The following CRY2 variants were observed in gnomAD, a reference collection of about 807,000 sequenced individuals.
The protein encoded by CRY2 is cryptochrome-2.
A neutral mutation model predicts 69.5 loss-of-function variants in CRY2; 31 were observed. The ratio of observed to expected loss-of-function variants is 0.45; its 90% CI spans 0.34 to 0.60. CRY2 has a LOEUF of 0.60. CRY2 is among the 20% of genes least tolerant of loss of function. The probability of loss-of-function intolerance (pLI) is 0.02; values close to 1 mark genes in which losing one functional copy is unlikely to be tolerated. For missense variants in CRY2, 606 were observed against 797.8 expected (o/e 0.76, Z 2.90); for synonymous variants, 303 against 312.2 (o/e 0.97, Z 0.31).
chr11:45,862,396 CT>C (rs2086295012), intron 5 of CRY2, among the ~76,000 whole-genome samples: 1 of 145,524 alleles, frequency 6.9e-6, no homozygotes, highest in Non-Finnish European at 1.6e-5. Context: ...TTCTTTTAAT[CT>C]TTCCAATAGC....
At chr11:45,867,776 A>G (rs757361700) in intron 6 of CRY2, 24 bp downstream of exon 6, 12 of 1,613,850 alleles carry the variant, frequency 7.4e-6, no homozygotes, top group Non-Finnish European at 1.0e-5. Context: ...ACCTGCCCAC[A>G]TTGCACCTAA....
chr11:45,882,370 G>GCCTC lies in CRY2; in HGVS notation c.*1462_*1463insCCCT, dbSNP rs201996790. 2,721 of 364,444 alleles carry GCCTC rather than the reference G, an allele frequency of 7.5e-3. 95 individuals carry two copies. In the Admixed American group the frequency reaches 0.082, roughly 11 times the overall value. 22.6% of individuals were successfully genotyped at this position (364,444 alleles called of 1,614,324 possible). On this transcript the variant is annotated 3_prime_UTR_variant, in exon 12 of 12. Transcript: ENST00000616080. ...CGTGTATCATTAAGCTGGCCTTTGG[G>GCCTC]CCTTTTCCTTTCTACCTCCCCTGTG...
intron 5 of CRY2, among the ~76,000 whole-genome samples, chr11:45,864,380 T>C (rs887357572): frequency 2.0e-5 from 3 of 152,216 alleles, no homozygotes; most frequent in Non-Finnish European, 4.4e-5. Context: ...CTTAGCACTT[T>C]GGGAGGCCAA....
intron 2 of CRY2, 57 bp downstream of exon 2, chr11:45,856,147 A>G: frequency 7.5e-7 from 1 of 1,325,690 alleles, no homozygotes; most frequent in Non-Finnish European, 1.1e-6. Context: ...CGGTTTCCCC[A>G]CAGCCTGAGT....
At chr11:45,867,918 C>T (rs2086344499) in intron 6 of CRY2, 166 bp downstream of exon 6, 8 of 858,590 alleles carry the variant, frequency 9.3e-6, no homozygotes, top group South Asian at 5.4e-5. Flanking sequence ...GACTCAATAT[C>T]CAAGAGGGCA....
chr11:45,872,368 A>C, intron 11 of CRY2, 135 bp downstream of exon 11: 2 of 788,962 alleles, frequency 2.5e-6, no homozygotes, highest in South Asian at 3.5e-5. Context: ...TCAGCCACTA[A>C]AGCTTTACCA....
In CRY2 at chr11:45,862,089, G is replaced by C. The variant is rs1419438075; in HGVS notation, c.682G>C (p.Val228Leu). 35 of 1,613,874 alleles carry C rather than the reference G, an allele frequency of 2.2e-5. No individual in the cohort carries two copies. In the Admixed American group the frequency reaches 4.8e-4, roughly 22 times the overall value. ...CCCCACTGAAGGACTTGGTCCAGCT[G>C]TCTGGCAGGGAGGAGAGACAGAAGC... Reference protein sequence around the residue: ...GFPTEGLGPAVWQGGETEALA... With the variant: ...GFPTEGLGPALWQGGETEALA... The change falls in exon 5 of 12, where the codon GTC (valine) becomes CTC (leucine). Residue 228 changes from valine to leucine, a missense_variant. By Grantham distance (32) the Val-to-Leu change is conservative. Transcript: ENST00000616080.
In CRY2 at chr11:45,856,109, A is replaced by C; in HGVS notation, c.324+19A>C. ...GTTCAAGGTAAGCGTGCAGAGCCCC[A>C]GAGAAGACAGTGAGATTCTGTCCCT... On this transcript the variant is annotated intron_variant, in intron 2 of 11. Coordinates refer to ENST00000616080, the MANE Select transcript of CRY2 (RefSeq NM_021117.5). 6.3e-7 allele frequency: 1 copy of C among 1,577,604 alleles called. No individual in the cohort carries two copies. The highest frequency in any genetic ancestry group is 8.7e-7 in the Non-Finnish European group (1 of 1,147,282).
In CRY2 at chr11:45,860,892, G is replaced by T; in HGVS notation, c.512G>T (p.Arg171Leu). 6.2e-7 allele frequency: 1 copy of T among 1,614,014 alleles called. No individual in the cohort carries two copies. The highest frequency in any genetic ancestry group is 2.2e-5 in the East Asian group (1 of 44,890). The change falls in exon 4 of 12, where the codon CGC becomes CTC. Residue 171 changes from arginine (R) to leucine (L), a missense_variant. By Grantham distance (102) the Arg-to-Leu change is moderately radical (BLOSUM62 -2). This residue lies in a region of CRY2 where 382 missense variants were observed against 508.9 expected (regional missense o/e 0.75). Coordinates refer to ENST00000616080, the MANE Select transcript of CRY2 (RefSeq NM_021117.5). ...NGQKPPLTYK[R>L]FQAIISRMEL... ...CAGAAGCCACCCCTTACATACAAGC[G>T]CTTTCAGGCCATCATCAGCCGCATG...
At chr11:45,861,490 G>A (rs771100007) in intron 4 of CRY2, 61 of 166,288 alleles carry the variant, frequency 3.7e-4, no homozygotes, top group Non-Finnish European at 6.9e-4. Context: ...TGCCCAGTCT[G>A]GAGTGCAGTG....
rs1447142350 is a variant in CRY2, at chr11:45,870,314, G to A, written c.1347-16G>A. The A allele has an allele frequency of 7.4e-6, 12 of 1,614,120 alleles. No individual in the cohort carries two copies. The highest frequency in any genetic ancestry group is 1.7e-5 in the Admixed American group (1 of 60,024). Reference sequence around the variant, plus strand: ...TCTGGGTATGCTGATGGGTCATCTGGTGTATCTTATTTCAGGCGATACCTG... The same window carrying A: ...TCTGGGTATGCTGATGGGTCATCTGATGTATCTTATTTCAGGCGATACCTG... On this transcript the variant is annotated splice_polypyrimidine_tract_variant and intron_variant, in intron 8 of 11. Coordinates refer to ENST00000616080, the MANE Select transcript of CRY2 (RefSeq NM_021117.5).
In CRY2 at chr11:45,883,011, G is replaced by A. The variant is rs2086488627; in HGVS notation, c.*2100G>A. 3.2e-6 allele frequency: 1 copy of A among 312,670 alleles called. No individual in the cohort carries two copies. Among genetic ancestry groups the A allele is most frequent in the African/African-American group, 2.1e-5 (1 of 46,784 alleles). 19.4% of individuals were successfully genotyped at this position (312,670 alleles called of 1,614,324 possible). The stretch of plus-strand genomic sequence containing the variant: ...GGGAAGGGCAGGGTAGAGAGGGTAT[G>A]TCCAGTAGCCTGGAGCTCCATGGTG... On this transcript the variant is annotated 3_prime_UTR_variant, in exon 12 of 12. Coordinates refer to ENST00000616080, the MANE Select transcript of CRY2 (RefSeq NM_021117.5).
rs570077525 is a variant in CRY2, at chr11:45,861,506, G to A, written c.652+474G>A. ...GCCCAGTCTGGAGTGCAGTGGCACA[G>A]TCTTGGCTCACTGCAACCTCCACCT... On this transcript the variant is annotated intron_variant, in intron 4 of 11. Transcript: ENST00000616080. 1.2e-3 allele frequency: 210 copies of A among 168,792 alleles called. 1 individual carries two copies. Among genetic ancestry groups the A allele is most frequent in the African/African-American group, 4.9e-3 (203 of 41,632 alleles). The allele number at this position is 168,792 out of a possible 1,614,324, so 10.5% of individuals were successfully genotyped here.
At chr11:45,856,694 G>C (rs2086242085) in intron 2 of CRY2, among the ~76,000 whole-genome samples, 1 of 152,044 alleles carries the variant, frequency 6.6e-6, no homozygotes, top group Non-Finnish European at 1.5e-5. Context: ...TACTCGAGAG[G>C]CTGAGGCAGG....
At chr11:45,847,219 C>T, upstream of CRY2, 1 of 1,550,732 alleles carries the variant, frequency 6.4e-7, no homozygotes, top group Non-Finnish European at 8.7e-7. Context: ...CCCCAGCCTG[C>T]GGACAGCCCC....
chr11:45,850,938 A>G (rs529958544), intron 1 of CRY2, among the ~76,000 whole-genome samples: 34 of 152,218 alleles, frequency 2.2e-4, no homozygotes, highest in African/African-American at 7.7e-4. Flanking sequence ...AGAAATACAC[A>G]TATTGATTAG....
chr11:45,868,235 G>A (rs2086347184), intron 6 of CRY2, among the ~76,000 whole-genome samples: 1 of 152,208 alleles, frequency 6.6e-6, no homozygotes, highest in African/African-American at 2.4e-5. Flanking sequence ...ACACAGGGCT[G>A]TGCTATACAG....
intron 11 of CRY2, among the ~76,000 whole-genome samples, chr11:45,873,412 T>C (rs2086401878): frequency 6.6e-6 from 1 of 152,242 alleles, no homozygotes; most frequent in Non-Finnish European, 1.5e-5. Flanking sequence ...TGGACAGATG[T>C]GTGCTATCTT....
chr11:45,869,574 GGCA>G lies in CRY2; in HGVS notation c.954_956del (p.Ala319del). On this transcript the variant is annotated inframe_deletion, in exon 7 of 12. Transcript: ENST00000616080. ...TCCTATGGCGAGAGTTCTTCTACAC[GGCA>G]GCTACCAACAACCCCAGGTTTGACC... is the stretch of plus-strand genomic sequence containing the variant. 4 of 1,614,218 alleles carry G rather than the reference GGCA, an allele frequency of 2.5e-6. No homozygotes were observed. Among genetic ancestry groups the G allele is most frequent in the Non-Finnish European group, 3.4e-6 (4 of 1,180,036 alleles).
Sources: allele counts gnomAD v4.1 joint callset (sites outside exome capture counted in the v4.1 genomes callset), GRCh38; gene constraint gnomAD v4.1.1; regional missense constraint gnomAD v4.1.1; transcripts MANE v1.5; gene names NCBI Gene and HGNC (gene_info 2026-07-23, HGNC 2026-07-21).